The following MASP1 variants were observed in gnomAD, a reference collection of about 807,000 sequenced individuals.
The protein encoded by MASP1 is MBL associated serine protease 1.
In MASP1, 59 loss-of-function variants were observed where a neutral mutation model predicts 77.1. That is an observed-to-expected ratio of 0.77 (90% CI 0.62 to 0.95). The LOEUF (loss-of-function observed/expected upper bound fraction) is 0.95, where lower values mean the gene tolerates loss of function less well. MASP1 is among the 40% of genes least tolerant of loss of function. The pLI, the probability that MASP1 is intolerant of heterozygous loss-of-function variation, is 0.00. For synonymous variants in MASP1, 362 were observed against 354.5 expected (o/e 1.02, Z -0.24); for missense variants, 885 against 912.9 (o/e 0.97, Z 0.39).
At chr3:187,240,583 T>C (rs1368545386) in intron 10 of MASP1, among the ~76,000 whole-genome samples, 1 of 152,182 alleles carries the variant, frequency 6.6e-6, no homozygotes, top group Non-Finnish European at 1.5e-5. Context: ...CTTTTCTAAG[T>C]TGACTTGAAT....
At chr3:187,222,680 GTT>G (rs60117293) in intron 14 of MASP1, among the ~76,000 whole-genome samples, 7 of 139,992 alleles carry the variant, frequency 5.0e-5, no homozygotes, top group Admixed American at 7.1e-5. Flanking sequence ...TTAGTTAAGT[GTT>G]TTTTTTTTTT....
chr3:187,250,202 A>C (rs771714082), intron 8 of MASP1, 49 bp downstream of exon 8: 1 of 1,467,416 alleles, frequency 6.8e-7, no homozygotes, highest in Non-Finnish European at 9.6e-7. Context: ...GGATCCCGCC[A>C]GTGCTGGGGA....
intron 5 of MASP1, among the ~76,000 whole-genome samples, chr3:187,255,821 T>C (rs139751762): frequency 1.3e-5 from 2 of 151,996 alleles, no homozygotes; most frequent in African/African-American, 2.4e-5. Context: ...TAATCTATTA[T>C]GTTCTAGCTT....
chr3:187,243,387 G>A, intron 9 of MASP1, 97 bp downstream of exon 9: 2 of 1,247,210 alleles, frequency 1.6e-6, no homozygotes, highest in East Asian at 2.3e-5. Flanking sequence ...ACACTTATGA[G>A]CAGTTCTTCC....
At chr3:187,252,531 T>C (rs1293414613) in intron 6 of MASP1, among the ~76,000 whole-genome samples, 2 of 152,164 alleles carry the variant, frequency 1.3e-5, no homozygotes, top group Non-Finnish European at 1.5e-5. Context: ...ATCTGAGCAG[T>C]GTATGTGATA....
exon 13 of MASP1, chr3:187,225,324 C>T: frequency 6.2e-7 from 1 of 1,612,802 alleles, no homozygotes; most frequent in Non-Finnish European, 8.5e-7. Context: ...GGGAAAGTAC[C>T]TTCCTGCTGG....
At chr3:187,262,269 A>G (rs895202824) in intron 3 of MASP1, among the ~76,000 whole-genome samples, 4 of 152,222 alleles carry the variant, frequency 2.6e-5, no homozygotes, top group African/African-American at 9.7e-5. Flanking sequence ...CAAATATGAA[A>G]CTCTAGCAAA....
Position 187,234,282 on chromosome 3 carries a change from G to A in MASP1, c.*1402C>T. On this transcript the variant is annotated 3_prime_UTR_variant, in exon 11 of 11. Transcript: ENST00000296280. ...CACTTCCCAATCATTCCCTCTCAGGGGCTTCTCTGGCTGCCTTGCTCTGAT... is the reference window on the plus strand; with the variant it reads ...CACTTCCCAATCATTCCCTCTCAGGAGCTTCTCTGGCTGCCTTGCTCTGAT... The A allele has an allele frequency of 7.8e-7, 1 of 1,287,152 alleles. No homozygotes were observed. Among genetic ancestry groups the A allele is most frequent in the Non-Finnish European group, 1.0e-6 (1 of 988,690 alleles). 79.7% of individuals were successfully genotyped at this position (1,287,152 alleles called of 1,614,324 possible).
intron 3 of MASP1, 39 bp from the exon 4 acceptor site, chr3:187,260,911 G>A: frequency 6.2e-7 from 1 of 1,613,220 alleles, no homozygotes; most frequent in Non-Finnish European, 8.5e-7. Flanking sequence ...ATACATGCAT[G>A]ATGATGAAGA....
At chr3:187,252,680 T>G (rs994844688) in intron 6 of MASP1, among the ~76,000 whole-genome samples, 5 of 152,116 alleles carry the variant, frequency 3.3e-5, no homozygotes, top group African/African-American at 1.2e-4. Context: ...CGATCAAGGT[T>G]TGGGCCAGGA....
At chr3:187,270,916 G>T (rs1318599091) in intron 2 of MASP1, among the ~76,000 whole-genome samples, 1 of 152,202 alleles carries the variant, frequency 6.6e-6, no homozygotes. Flanking sequence ...GGCTAATCCA[G>T]CAAAAGGACC....
chr3:187,287,110 G>A (rs1717925384), intron 1 of MASP1, among the ~76,000 whole-genome samples: 2 of 152,176 alleles, frequency 1.3e-5, no homozygotes, highest in African/African-American at 4.8e-5. Flanking sequence ...CCCACCAGCA[G>A]TCTTCTGCCA....
intron 6 of MASP1, among the ~76,000 whole-genome samples, chr3:187,252,205 C>T (rs1052968429): frequency 1.3e-5 from 2 of 152,192 alleles, no homozygotes; most frequent in African/African-American, 4.8e-5. Context: ...CTCAGGGACA[C>T]AGTGACAGGG....
chr3:187,253,450 G>A (rs569505754), intron 5 of MASP1, 135 bp from the exon 6 acceptor site: 7 of 845,252 alleles, frequency 8.3e-6, no homozygotes, highest in South Asian at 6.8e-5. Context: ...TATTCACTTA[G>A]GTTTTTAGTG....
At chr3:187,223,008 A>T in intron 14 of MASP1, 2 of 850,288 alleles carry the variant, frequency 2.4e-6, no homozygotes, top group Non-Finnish European at 4.0e-6. Context: ...CTGGGCTCCT[A>T]GTTTCCCACT....
At chr3:187,226,843 G>A (rs1335232921) in intron 11 of MASP1, among the ~76,000 whole-genome samples, 1 of 152,168 alleles carries the variant, frequency 6.6e-6, no homozygotes, top group Non-Finnish European at 1.5e-5. Context: ...GAAAGCCTGT[G>A]GTCAACTGGC....
chr3:187,262,393 A>G, intron 3 of MASP1, 150 bp downstream of exon 3: 2 of 777,892 alleles, frequency 2.6e-6, no homozygotes, highest in Non-Finnish European at 4.5e-6. Context: ...AGATGGATAG[A>G]TACGTGATAG....
chr3:187,225,613 G>T, intron 12 of MASP1: 1 of 1,199,428 alleles, frequency 8.3e-7, no homozygotes, highest in Non-Finnish European at 1.2e-6. Flanking sequence ...CTTGCTTCCA[G>T]CCTTAGCCCT....
intron 8 of MASP1, among the ~76,000 whole-genome samples, chr3:187,249,297 A>C (rs1170603929): frequency 6.6e-6 from 1 of 152,098 alleles, no homozygotes; most frequent in Non-Finnish European, 1.5e-5. Context: ...AACTCAAGTG[A>C]TCCACCTGCT....
Sources: gnomAD v4.1 joint callset for allele counts (sites outside exome capture counted in the v4.1 genomes callset) on GRCh38, gnomAD v4.1.1 for gene constraint, MANE v1.5 for transcripts, NCBI Gene and HGNC (gene_info 2026-07-23, HGNC 2026-07-21) for gene names.